The following PDE1A variants were observed in gnomAD, a reference collection of about 807,000 sequenced individuals.
The protein encoded by PDE1A is dual specificity calcium/calmodulin-dependent 3',5'-cyclic nucleotide phosphodiesterase 1A.
A neutral mutation model predicts 61.7 loss-of-function variants in PDE1A; 35 were observed. The observed-to-expected ratio is 0.57, with a 90% CI of 0.43 to 0.75. The LOEUF (loss-of-function observed/expected upper bound fraction) is 0.75. PDE1A is among the 30% of genes least tolerant of loss of function. The pLI, the probability that PDE1A is intolerant of heterozygous loss-of-function variation, is 0.00. For missense variants in PDE1A, 597 were observed against 630.6 expected, an observed-to-expected ratio of 0.95 and a Z score of 0.57; for synonymous variants, 232 against 213.2, an observed-to-expected ratio of 1.09 and a Z score of -0.77.
chr2:182,678,992 CA>C, the PDE1A span, among the ~76,000 whole-genome samples: 2 of 145,088 alleles, frequency 1.4e-5, no homozygotes, highest in Non-Finnish European at 3.0e-5. Flanking sequence ...TAATTATCCT[CA>C]CTTTGGTTTC....
intron 1 of PDE1A, among the ~76,000 whole-genome samples, chr2:182,410,367 A>AAAAT (rs754127976): frequency 1.3e-3 from 191 of 152,276 alleles, no homozygotes; most frequent in Middle Eastern, 6.8e-3. Context: ...ACTTTGTCTT[A>AAAAT]AAATAAATAA....
the PDE1A span, among the ~76,000 whole-genome samples, chr2:182,627,264 T>TATATAAA: frequency 1.5e-4 from 15 of 101,640 alleles, no homozygotes; most frequent in African/African-American, 5.3e-4. Context: ...ATATTATTTA[T>TATATAAA]ATATAAATAA....
At chr2:182,282,765 T>C (rs1309584348) in intron 1 of PDE1A, among the ~76,000 whole-genome samples, 2 of 152,078 alleles carry the variant, frequency 1.3e-5, no homozygotes. Context: ...TCTACATGCA[T>C]GTTTTGTGTC....
At chr2:182,370,069 C>T (rs555695037) in intron 1 of PDE1A, among the ~76,000 whole-genome samples, 95 of 151,818 alleles carry the variant, frequency 6.3e-4, no homozygotes, top group African/African-American at 2.1e-3. Context: ...CCTAGCTACT[C>T]GGGAGGCTGA....
At chr2:182,662,203 T>G in the PDE1A span, among the ~76,000 whole-genome samples, 1 of 138,896 alleles carries the variant, frequency 7.2e-6, no homozygotes, top group East Asian at 2.1e-4. Flanking sequence ...AACTTGATAT[T>G]GCACCATAAA....
chr2:182,191,321 A>AT (rs1246678690), intron 10 of PDE1A, among the ~76,000 whole-genome samples: 1 of 152,092 alleles, frequency 6.6e-6, no homozygotes, highest in Non-Finnish European at 1.5e-5. Flanking sequence ...TTTGAATACT[A>AT]TTATTGATTT....
intron 6 of PDE1A, among the ~76,000 whole-genome samples, chr2:182,225,141 G>A (rs1403176138): frequency 1.3e-5 from 2 of 151,868 alleles, no homozygotes; most frequent in African/African-American, 2.4e-5. Flanking sequence ...AAGGCTGATA[G>A]TTAAGTGCAA....
intron 1 of PDE1A, among the ~76,000 whole-genome samples, chr2:182,407,382 AT>A (rs140291101): frequency 0.12 from 18,444 of 150,082 alleles, 1,852 homozygotes; most frequent in African/African-American, 0.28. Context: ...CTTTATTATT[AT>A]TTTTTTTTTA....
At chr2:182,379,750 G>T (rs1467949936) in intron 1 of PDE1A, among the ~76,000 whole-genome samples, 1 of 152,114 alleles carries the variant, frequency 6.6e-6, no homozygotes, top group Non-Finnish European at 1.5e-5. Flanking sequence ...TTCCAAAAGT[G>T]GGTATTTTTC....
At chr2:182,339,284 A>C (rs1698035778) in intron 1 of PDE1A, among the ~76,000 whole-genome samples, 1 of 152,072 alleles carries the variant, frequency 6.6e-6, no homozygotes, top group African/African-American at 2.4e-5. Context: ...ACCCTACCTC[A>C]TTTCATATTA....
At chr2:182,477,312 A>C (rs1687428553) in intron 2 of PDE1A, among the ~76,000 whole-genome samples, 1 of 151,972 alleles carries the variant, frequency 6.6e-6, no homozygotes, top group Non-Finnish European at 1.5e-5. Context: ...TCATTAAGTC[A>C]ACTAGTATTT....
the PDE1A span, among the ~76,000 whole-genome samples, chr2:182,614,586 C>T: frequency 3.0e-5 from 4 of 131,554 alleles, no homozygotes; most frequent in Non-Finnish European, 4.7e-5. Context: ...GACAGAGTCT[C>T]ACTCTGTCTT....
chr2:182,636,944 C>T, the PDE1A span, among the ~76,000 whole-genome samples: 20 of 152,348 alleles, frequency 1.3e-4, no homozygotes, highest in East Asian at 3.3e-3. Context: ...CATGAGCTCC[C>T]TCCAGCAATG....
At chr2:182,706,755 C>T in the PDE1A span, among the ~76,000 whole-genome samples, 1 of 152,092 alleles carries the variant, frequency 6.6e-6, no homozygotes, top group Non-Finnish European at 1.5e-5. Flanking sequence ...TAGAAATGTG[C>T]GAAAGCCTGG....
chr2:182,198,247 TATTA>T (rs1442809471), intron 10 of PDE1A, among the ~76,000 whole-genome samples: 2 of 151,966 alleles, frequency 1.3e-5, no homozygotes, highest in African/African-American at 2.4e-5. Flanking sequence ...TAAACTCATT[TATTA>T]ATTCTAGTAA....
chr2:182,489,172 A>C (rs981568613), intron 2 of PDE1A, among the ~76,000 whole-genome samples: 34 of 152,328 alleles, frequency 2.2e-4, no homozygotes, highest in African/African-American at 7.7e-4. Context: ...ACAAGAGTGT[A>C]CCAGGAAGAG....
chr2:182,495,343 G>A (rs1464536739), intron 2 of PDE1A, among the ~76,000 whole-genome samples: 4 of 152,132 alleles, frequency 2.6e-5, no homozygotes, highest in Non-Finnish European at 5.9e-5. Flanking sequence ...TCTAATGCTA[G>A]AGAACCCATT....
chr2:182,238,962 A>T (rs1191636347), intron 3 of PDE1A, among the ~76,000 whole-genome samples: 2 of 152,180 alleles, frequency 1.3e-5, no homozygotes, highest in Admixed American at 1.3e-4. Flanking sequence ...TCTTTAGCAA[A>T]TCAAACATAC....
the PDE1A span, among the ~76,000 whole-genome samples, chr2:182,528,387 G>C: frequency 6.6e-6 from 1 of 152,156 alleles, no homozygotes; most frequent in Non-Finnish European, 1.5e-5. Context: ...AGATGAGGTA[G>C]GGTATTTAAC....
Sources: gnomAD v4.1 joint callset for allele counts (sites outside exome capture counted in the v4.1 genomes callset) on GRCh38, gnomAD v4.1.1 for gene constraint, MANE v1.5 for transcripts, NCBI Gene and HGNC (gene_info 2026-07-23, HGNC 2026-07-21) for gene names.